The following CHST11 variants were observed in gnomAD, a reference collection of about 807,000 sequenced individuals.
CHST11 encodes the protein C4S-1.
A neutral mutation model predicts 30.4 loss-of-function variants in CHST11; 9 were observed. The ratio of observed to expected loss-of-function variants is 0.30; its 90% CI spans 0.18 to 0.52. The LOEUF is 0.52. CHST11 is among the 20% of genes least tolerant of loss of function. CHST11 has a pLI of 0.97. For missense variants in CHST11, 348 were observed against 460.6 expected (o/e 0.76, Z 2.24); for synonymous variants, 152 against 187.8 (o/e 0.81, Z 1.56).
chr12:104,547,916 A>C (rs1432699089), intron 1 of CHST11, among the ~76,000 whole-genome samples: 1 of 152,186 alleles, frequency 6.6e-6, no homozygotes, highest in Non-Finnish European at 1.5e-5. Flanking sequence ...TCTCTTGTAC[A>C]CATGATGAAG....
At chr12:104,463,140 C>A (rs1462595222) in intron 1 of CHST11, among the ~76,000 whole-genome samples, 1 of 152,124 alleles carries the variant, frequency 6.6e-6, no homozygotes, top group Non-Finnish European at 1.5e-5. Flanking sequence ...AAGGCACCAC[C>A]CTTTCCCTTC....
chr12:104,689,200 T>A (rs2039875310), intron 2 of CHST11, among the ~76,000 whole-genome samples: 1 of 152,234 alleles, frequency 6.6e-6, no homozygotes, highest in South Asian at 2.1e-4. Context: ...GGAAAAGAAA[T>A]TTTTAAGACC....
chr12:104,570,618 G>C (rs554141976), intron 1 of CHST11, among the ~76,000 whole-genome samples: 66 of 152,100 alleles, frequency 4.3e-4, no homozygotes, highest in Admixed American at 6.5e-4. Flanking sequence ...AAGCAACTCG[G>C]GAATTTAGAA....
intron 2 of CHST11, among the ~76,000 whole-genome samples, chr12:104,644,585 C>T (rs2039408213): frequency 6.6e-6 from 1 of 152,262 alleles, no homozygotes; most frequent in Admixed American, 6.5e-5. Flanking sequence ...AGCTTTCCTG[C>T]TTCTGGTTTT....
intron 1 of CHST11, among the ~76,000 whole-genome samples, chr12:104,489,419 T>C (rs987856472): frequency 6.6e-6 from 1 of 152,172 alleles, no homozygotes; most frequent in Non-Finnish European, 1.5e-5. Flanking sequence ...TTAAAGGCCC[T>C]GTTTCCAAAT....
intron 1 of CHST11, among the ~76,000 whole-genome samples, chr12:104,593,939 C>G (rs191319265): frequency 6.6e-5 from 10 of 152,284 alleles, no homozygotes; most frequent in Admixed American, 2.6e-4. Context: ...TTTGAGGAAG[C>G]ATTGGCACTT....
At chr12:104,541,122 TCTCTCTCTCACACACACA>T (rs1565980033) in intron 1 of CHST11, among the ~76,000 whole-genome samples, 2 of 63,084 alleles carry the variant, frequency 3.2e-5, no homozygotes, top group Non-Finnish European at 3.2e-5. Context: ...TCCCTCTCTC[TCTCTCTCTCACACACACA>T]CACACACACA....
rs147715512 is a variant in CHST11 at position 104,742,789 on chromosome 12, T to C, written c.205-14160T>C. Among the ~76,000 whole-genome samples the C allele has an allele frequency of 2.3e-3, 350 of 152,232 alleles. 3 individuals carry two copies. The highest frequency in any genetic ancestry group is 7.9e-3 in the African/African-American group (328 of 41,544). ...CCCTTGGCGCCCTCCCCCTCCAGCGTGATTTGATTCCCCTCCTCTTGTTTC... is the reference window on the plus strand; with the variant it reads ...CCCTTGGCGCCCTCCCCCTCCAGCGCGATTTGATTCCCCTCCTCTTGTTTC... On this transcript the variant is annotated intron_variant, in intron 2 of 2. Coordinates refer to ENST00000303694, the MANE Select transcript of CHST11 (RefSeq NM_018413.6).
chr12:104,488,710 TATGTGTGC>T (rs2037714393), intron 1 of CHST11, among the ~76,000 whole-genome samples: 1 of 148,222 alleles, frequency 6.7e-6, no homozygotes, highest in Admixed American at 6.7e-5. Context: ...TGTATGTGTG[TATGTGTGC>T]GTGTATGTGT....
chr12:104,605,964 T>C (rs2039000680), intron 2 of CHST11, among the ~76,000 whole-genome samples: 1 of 152,110 alleles, frequency 6.6e-6, no homozygotes, highest in African/African-American at 2.4e-5. Context: ...CCTGCCCTGC[T>C]TGGTTCTTTC....
intron 1 of CHST11, among the ~76,000 whole-genome samples, chr12:104,470,194 C>T (rs1277704336): frequency 6.6e-6 from 1 of 152,178 alleles, no homozygotes; most frequent in Non-Finnish European, 1.5e-5. Context: ...AGTCGGGAAA[C>T]CCTGTATTAG....
chr12:104,465,598 G>A (rs1219171575), intron 1 of CHST11, among the ~76,000 whole-genome samples: 1 of 152,166 alleles, frequency 6.6e-6, no homozygotes, highest in Non-Finnish European at 1.5e-5. Context: ...GATTCTGTCA[G>A]GTTCATCTTT....
At chr12:104,632,199 G>C (rs1284808598) in intron 2 of CHST11, among the ~76,000 whole-genome samples, 1 of 152,000 alleles carries the variant, frequency 6.6e-6, no homozygotes, top group Non-Finnish European at 1.5e-5. Context: ...TGCCCCAAAT[G>C]ATGGATGAAT....
chr12:104,572,028 A>G (rs1001331955), intron 1 of CHST11, among the ~76,000 whole-genome samples: 1 of 152,002 alleles, frequency 6.6e-6, no homozygotes, highest in Admixed American at 6.6e-5. Flanking sequence ...ATTGATTTGC[A>G]TATGTTGAAC....
chr12:104,507,625 G>A (rs2135979038), intron 1 of CHST11, among the ~76,000 whole-genome samples: 1 of 152,286 alleles, frequency 6.6e-6, no homozygotes, highest in African/African-American at 2.4e-5. Context: ...CACACATCTG[G>A]GCTGGCCAGA....
chr12:104,639,743 C>G (rs1320237369), intron 2 of CHST11, among the ~76,000 whole-genome samples: 1 of 152,142 alleles, frequency 6.6e-6, no homozygotes, highest in Non-Finnish European at 1.5e-5. Context: ...GTTTGGCCCT[C>G]TGATGTCAAA....
chr12:104,613,491 G>A (rs1264701604), intron 2 of CHST11, among the ~76,000 whole-genome samples: 1 of 152,096 alleles, frequency 6.6e-6, no homozygotes, highest in East Asian at 1.9e-4. Context: ...TTGGATCATG[G>A]GGTGGATTTC....
At chr12:104,673,407 T>C (rs1159970347) in intron 2 of CHST11, among the ~76,000 whole-genome samples, 1 of 152,224 alleles carries the variant, frequency 6.6e-6, no homozygotes, top group Non-Finnish European at 1.5e-5. Flanking sequence ...AAAATACACA[T>C]GTGGTGACAC....
At chr12:104,481,055 A>G (rs984066188) in intron 1 of CHST11, among the ~76,000 whole-genome samples, 7 of 152,104 alleles carry the variant, frequency 4.6e-5, no homozygotes, top group African/African-American at 1.7e-4. Context: ...AGGTCACTTA[A>G]CCTCTCTGTG....
Sources: gnomAD v4.1 joint callset for allele counts (sites outside exome capture counted in the v4.1 genomes callset) on GRCh38, gnomAD v4.1.1 for gene constraint, MANE v1.5 for transcripts, NCBI Gene and HGNC (gene_info 2026-07-23, HGNC 2026-07-21) for gene names.